Variants in HECW2 observed in about 807,000 individuals in gnomAD.
HECW2 encodes E3 ubiquitin-protein ligase HECW2.
HECW2 carries 61 observed loss-of-function variants against 175.2 expected under a neutral mutation model. The ratio of observed to expected loss-of-function variants is 0.35; its 90% CI spans 0.28 to 0.43. The LOEUF (loss-of-function observed/expected upper bound fraction) is 0.43. Ranked by LOEUF, HECW2 falls within the 20% of genes least tolerant of loss-of-function variation. HECW2 has a pLI of 1.00. For synonymous variants in HECW2, 671 were observed against 731.0 expected, an observed-to-expected ratio of 0.92 and a Z score of 1.32; for missense variants, 1,524 against 2,000.5, an observed-to-expected ratio of 0.76 and a Z score of 4.54.
intron 13 of HECW2, among the ~76,000 whole-genome samples, chr2:196,297,643 TA>T (rs1690869410): frequency 5.9e-5 from 9 of 152,352 alleles, no homozygotes; most frequent in Non-Finnish European, 8.8e-5. Flanking sequence ...TACTGATAAA[TA>T]AAGTCTTTCT....
intron 1 of HECW2, among the ~76,000 whole-genome samples, chr2:196,462,136 AG>A (rs1444955032): frequency 6.6e-6 from 1 of 152,206 alleles, no homozygotes; most frequent in Non-Finnish European, 1.5e-5. Flanking sequence ...ATCATATTAA[AG>A]AAAGGCAAAA....
chr2:196,249,672 T>G (rs1688784604), intron 19 of HECW2, among the ~76,000 whole-genome samples: 1 of 152,208 alleles, frequency 6.6e-6, no homozygotes, highest in African/African-American at 2.4e-5. Flanking sequence ...GCTATTTTAT[T>G]CAAAGGAACA....
intron 13 of HECW2, among the ~76,000 whole-genome samples, chr2:196,294,624 C>A (rs961695002): frequency 6.6e-6 from 1 of 152,092 alleles, no homozygotes; most frequent in African/African-American, 2.4e-5. Flanking sequence ...CTTTGCTGTA[C>A]CCAGTACTGT....
intron 28 of HECW2, among the ~76,000 whole-genome samples, chr2:196,214,166 G>A (rs1687387762): frequency 6.6e-6 from 1 of 152,138 alleles, no homozygotes; most frequent in Admixed American, 6.5e-5. Flanking sequence ...GATAGATGAG[G>A]AAACAGAGGC....
intron 1 of HECW2, among the ~76,000 whole-genome samples, chr2:196,516,109 C>G (rs1688138543): frequency 6.6e-6 from 1 of 152,116 alleles, no homozygotes; most frequent in Non-Finnish European, 1.5e-5. Context: ...TGCACTCCAG[C>G]CTGGGTGACA....
At chr2:196,443,435 C>A (rs1315541169) in intron 1 of HECW2, among the ~76,000 whole-genome samples, 1 of 152,096 alleles carries the variant, frequency 6.6e-6, no homozygotes, top group Non-Finnish European at 1.5e-5. Flanking sequence ...TGTGATGAGC[C>A]CCCACTGTAA....
chr2:196,328,058 A>AT (rs1434180655), intron 5 of HECW2, among the ~76,000 whole-genome samples: 4 of 65,808 alleles, frequency 6.1e-5, no homozygotes, highest in Non-Finnish European at 1.8e-4. Context: ...GCTGTACACC[A>AT]TAAAAAAATT....
In HECW2 at chr2:196,273,044, G is replaced by T. The variant is rs562802153; in HGVS notation, c.3238+977C>A. 1.1e-4 allele frequency among the ~76,000 whole-genome samples: 14 copies of T among 132,828 alleles called. No homozygotes were observed. The East Asian group carries it at 2.9e-3, about 28-fold the overall frequency. The allele number at this position is 132,828 out of a possible 152,430, so 87.1% of individuals were successfully genotyped here. On this transcript the variant is annotated intron_variant, in intron 16 of 28. Transcript: ENST00000644978. ...TAAAACAAAGATAAATGGAGAGCTG[G>T]TCTAATTTTTTTTTTTTTTTTTTTT...
intron 1 of HECW2, among the ~76,000 whole-genome samples, chr2:196,495,008 T>G (rs1185023037): frequency 6.6e-6 from 1 of 152,208 alleles, no homozygotes; most frequent in East Asian, 1.9e-4. Context: ...CTCTCAGGAA[T>G]GGCGTGATAC....
intron 14 of HECW2, among the ~76,000 whole-genome samples, chr2:196,283,374 A>T (rs1212058963): frequency 6.7e-6 from 1 of 148,492 alleles, no homozygotes; most frequent in Non-Finnish European, 1.5e-5. Context: ...GTGAGAGAAT[A>T]CACTTTTTTT....
At chr2:196,369,440 C>T (rs1369669334) in intron 2 of HECW2, among the ~76,000 whole-genome samples, 1 of 151,138 alleles carries the variant, frequency 6.6e-6, no homozygotes, top group Non-Finnish European at 1.5e-5. Flanking sequence ...GTTGTCACCA[C>T]CACTGGGACT....
chr2:196,306,986 G>T, intron 12 of HECW2, 144 bp downstream of exon 12: 1 of 581,072 alleles, frequency 1.7e-6, no homozygotes, highest in Non-Finnish European at 3.0e-6. Flanking sequence ...GAGGTTTCTG[G>T]TGAATTCTGT....
intron 13 of HECW2, among the ~76,000 whole-genome samples, chr2:196,301,797 G>A (rs968090643): frequency 6.7e-6 from 1 of 150,272 alleles, no homozygotes; most frequent in Non-Finnish European, 1.5e-5. Flanking sequence ...TTTGTCACAT[G>A]GACAGACTAC....
chr2:196,421,606 A>G (rs537698431), intron 2 of HECW2, among the ~76,000 whole-genome samples: 1 of 152,330 alleles, frequency 6.6e-6, no homozygotes, highest in Non-Finnish European at 1.5e-5. Context: ...AATGGTTGCA[A>G]TCAGAACAAA....
chr2:196,393,916 A>G (rs570091769), intron 2 of HECW2, among the ~76,000 whole-genome samples: 1 of 152,358 alleles, frequency 6.6e-6, no homozygotes, highest in African/African-American at 2.4e-5. Context: ...ATGTCCATCA[A>G]TGATAGACTG....
chr2:196,585,145 C>T (rs1044153632), intron 1 of HECW2, among the ~76,000 whole-genome samples: 20 of 152,104 alleles, frequency 1.3e-4, no homozygotes, highest in Non-Finnish European at 1.0e-4. Context: ...CATACCAACG[C>T]CCAGATTTAA....
intron 1 of HECW2, among the ~76,000 whole-genome samples, chr2:196,479,158 C>T (rs1388746118): frequency 1.3e-5 from 2 of 152,134 alleles, no homozygotes; most frequent in Admixed American, 6.5e-5. Context: ...AGAAAGTGAA[C>T]CCAGGGCCTT....
intron 1 of HECW2, among the ~76,000 whole-genome samples, chr2:196,436,766 T>G (rs1460123838): frequency 6.6e-6 from 1 of 151,856 alleles, no homozygotes; most frequent in East Asian, 1.9e-4. Context: ...TTTTTTCAAT[T>G]TCTTTCTTTT....
At chr2:196,265,455 C>A (rs1689476650) in intron 17 of HECW2, among the ~76,000 whole-genome samples, 1 of 152,110 alleles carries the variant, frequency 6.6e-6, no homozygotes, top group Admixed American at 6.5e-5. Context: ...CACTGCACTC[C>A]AGCCTGGGTG....
Sources: gnomAD v4.1 joint callset for allele counts (sites outside exome capture counted in the v4.1 genomes callset) on GRCh38, gnomAD v4.1.1 for gene constraint, MANE v1.5 for transcripts, NCBI Gene and HGNC (gene_info 2026-07-23, HGNC 2026-07-21) for gene names.